The following TNFRSF11A variants were observed in gnomAD, a reference collection of about 807,000 sequenced individuals.
TNFRSF11A encodes the protein TNF receptor superfamily member 11a, also known as tumor necrosis factor receptor superfamily member 11A.
In TNFRSF11A, 32 loss-of-function variants were observed where a neutral mutation model predicts 55.7. That is an observed-to-expected ratio of 0.57 (90% CI 0.43 to 0.77). TNFRSF11A has a LOEUF of 0.77. TNFRSF11A is among the 30% of genes least tolerant of loss of function. The probability of loss-of-function intolerance (pLI) is 0.00; values close to 1 mark genes in which losing one functional copy is unlikely to be tolerated. For missense variants in TNFRSF11A, 753 were observed against 809.8 expected, an observed-to-expected ratio of 0.93 and a Z score of 0.85; for synonymous variants, 311 against 331.0, an observed-to-expected ratio of 0.94 and a Z score of 0.65.
intron 4 of TNFRSF11A, among the ~76,000 whole-genome samples, chr18:62,355,576 C>T (rs1387820169): frequency 6.6e-6 from 1 of 152,204 alleles, no homozygotes; most frequent in African/African-American, 2.4e-5. Flanking sequence ...GCCACCACAC[C>T]TAGTCAAAAT....
At chr18:62,331,751 G>A (rs928954250) in intron 1 of TNFRSF11A, among the ~76,000 whole-genome samples, 1 of 152,218 alleles carries the variant, frequency 6.6e-6, no homozygotes, top group Admixed American at 6.5e-5. Flanking sequence ...GTTGGACCAA[G>A]AGCTGCGCAA....
rs1312885221 is a variant in TNFRSF11A at position 62,375,028 on chromosome 18, C to T, written c.1567+5544C>T. ...CAATCCATCCTCCCATCTCAGCCTC[C>T]CGAGTAGCTGGGACAACAGGCCTGT... On this transcript the variant is annotated intron_variant, in intron 9 of 9. Transcript: ENST00000586569. 2.6e-5 allele frequency among the ~76,000 whole-genome samples: 4 copies of T among 151,966 alleles called. No homozygotes were observed. The East Asian group carries it at 7.7e-4, about 29-fold the overall frequency.
At chr18:62,366,229 T>C (rs773562740) in intron 7 of TNFRSF11A, among the ~76,000 whole-genome samples, 13 of 152,236 alleles carry the variant, frequency 8.5e-5, no homozygotes, top group Non-Finnish European at 1.3e-4. Flanking sequence ...ACTGACCTAG[T>C]GGTCATAATA....
At position 62,384,908 on chromosome 18, in the gene TNFRSF11A, G is replaced by T; in HGVS notation, c.1725G>T (p.Leu575=). The part of the protein sequence containing the change: ...PMGRPVQEET[L]ARRDSFAGNG... ...GCCGCCCGGTGCAGGAGGAGACCCT[G>T]GCGCGCCGAGACTCCTTCGCGGGGA... Residue 575 remains leucine, a synonymous_variant, in exon 10 of 10, where the codon CTG becomes CTT. Coordinates refer to ENST00000586569, the MANE Select transcript of TNFRSF11A (RefSeq NM_003839.4). 1 of 1,569,668 alleles carries T rather than the reference G, an allele frequency of 6.4e-7. No individual in the cohort carries two copies.
intron 1 of TNFRSF11A, among the ~76,000 whole-genome samples, chr18:62,329,883 C>T (rs2046127125): frequency 6.6e-6 from 1 of 152,130 alleles, no homozygotes; most frequent in Non-Finnish European, 1.5e-5. Context: ...GCAGTGTGCT[C>T]TCACGCCAAG....
Position 62,385,099 on chromosome 18 carries a change from C to G in TNFRSF11A, c.*65C>G, listed in dbSNP as rs1228260923. ...GCTCGCGAGGGCAGCACCGCAGCCT[C>G]TGCCCCAGCCCCGGCCACCCAGGGA... On this transcript the variant is annotated 3_prime_UTR_variant, in exon 10 of 10. Coordinates refer to ENST00000586569, the MANE Select transcript of TNFRSF11A (RefSeq NM_003839.4). 2.9e-6 allele frequency: 4 copies of G among 1,382,352 alleles called. No individual in the cohort carries two copies. In the African/African-American group the frequency reaches 4.6e-5, roughly 16 times the overall value. 85.6% of individuals were successfully genotyped at this position (1,382,352 alleles called of 1,614,324 possible). A position where few individuals can be genotyped will look rare whatever the true frequency, so the allele number is the denominator to read the frequency against.
rs1453022442 is a variant in TNFRSF11A at position 62,369,318 on chromosome 18, A to G, written c.1401A>G (p.Gly467=). Residue 467 remains glycine (G), a synonymous_variant, in exon 9 of 10, where the codon GGA becomes GGG. Coordinates refer to ENST00000586569, the MANE Select transcript of TNFRSF11A (RefSeq NM_003839.4). ...CCCTCGTGGGTTCCCCAAAACGTGGACCCTTGCCCCAGTGCGCCTATGGCA... is the reference window on the plus strand; with the variant it reads ...CCCTCGTGGGTTCCCCAAAACGTGGGCCCTTGCCCCAGTGCGCCTATGGCA... The part of the protein sequence containing the change: ...CEPLVGSPKR[G]PLPQCAYGMG... 1 of 1,610,264 alleles carries G rather than the reference A, an allele frequency of 6.2e-7. No individual in the cohort carries two copies.
chr18:62,361,626 T>G, intron 6 of TNFRSF11A, 54 bp from the exon 7 acceptor site: 5 of 1,515,672 alleles, frequency 3.3e-6, no homozygotes, highest in Non-Finnish European at 4.6e-6. Flanking sequence ...GTTTTTCAAC[T>G]GCGTAAAATT....
At chr18:62,343,314 T>C (rs906334626) in intron 1 of TNFRSF11A, among the ~76,000 whole-genome samples, 1 of 152,246 alleles carries the variant, frequency 6.6e-6, no homozygotes, top group South Asian at 2.1e-4. Context: ...GCCAAGCCTC[T>C]TTCTACATCG....
intron 6 of TNFRSF11A, among the ~76,000 whole-genome samples, chr18:62,361,129 A>G (rs766631331): frequency 1.3e-5 from 2 of 152,234 alleles, no homozygotes; most frequent in Non-Finnish European, 2.9e-5. Context: ...AAACCAGGTC[A>G]TGTAAATCAA....
At chr18:62,361,856 T>C in intron 7 of TNFRSF11A, 63 bp downstream of exon 7, 1 of 1,438,438 alleles carries the variant, frequency 7.0e-7, no homozygotes, top group South Asian at 1.1e-5. Context: ...GGTAAATGCT[T>C]TGGAAGTTGA....
At chr18:62,334,918 C>T (rs561079759) in intron 1 of TNFRSF11A, among the ~76,000 whole-genome samples, 7 of 152,166 alleles carry the variant, frequency 4.6e-5, no homozygotes, top group African/African-American at 1.7e-4. Flanking sequence ...GCAGCAGATC[C>T]CCAAAACCTA....
Position 62,354,521 on chromosome 18 carries a change from C to G in TNFRSF11A, c.414C>G (p.Gly138=). 1 of 1,602,794 alleles carries G rather than the reference C, an allele frequency of 6.2e-7. No homozygotes were observed. The highest frequency in any genetic ancestry group is 8.5e-7 in the Non-Finnish European group (1 of 1,179,314). Residue 138 remains glycine, a synonymous_variant, in exon 4 of 10, where the codon GGC becomes GGG. Coordinates refer to ENST00000586569, the MANE Select transcript of TNFRSF11A (RefSeq NM_003839.4). ...RRNTECAPGL[G]AQHPLQLNKD... ...ACACCGAGTGCGCGCCGGGCCTGGG[C>G]GCCCAGCACCCGTGTACGGGTTGGA...
rs1911913476 is a variant in TNFRSF11A, at chr18:62,389,491, C to T, written c.*4457C>T. 1 of 152,356 alleles carries T rather than the reference C, an allele frequency of 6.6e-6. No homozygotes were observed. The highest frequency in any genetic ancestry group is 1.5e-5 in the Non-Finnish European group (1 of 68,094). 9.4% of individuals were successfully genotyped at this position (152,356 alleles called of 1,614,324 possible). On this transcript the variant is annotated 3_prime_UTR_variant, in exon 10 of 10. Transcript: ENST00000586569. ...TACTGCGGCAAAACAATCCTATGTC[C>T]CCCAAGGTTTCAACAAAGAGGAGGA...
chr18:62,358,821 AT>A (rs1443134024), intron 5 of TNFRSF11A, among the ~76,000 whole-genome samples: 4 of 151,748 alleles, frequency 2.6e-5, no homozygotes, highest in African/African-American at 9.7e-5. Context: ...CCAGTTCATG[AT>A]TTTCTTGGCT....
At chr18:62,360,635 C>T (rs1255603853) in intron 6 of TNFRSF11A, among the ~76,000 whole-genome samples, 2 of 152,022 alleles carry the variant, frequency 1.3e-5, no homozygotes, top group Admixed American at 6.6e-5. Flanking sequence ...TTAGTAGAGA[C>T]AGGGTTTCAC....
chr18:62,331,972 A>G (rs1343331434), intron 1 of TNFRSF11A, among the ~76,000 whole-genome samples: 1 of 152,088 alleles, frequency 6.6e-6, no homozygotes, highest in Non-Finnish European at 1.5e-5. Flanking sequence ...TGTAAAAACC[A>G]CCCTTTTAGT....
chr18:62,351,002 C>CTTTTTTT (rs71160826), intron 3 of TNFRSF11A, among the ~76,000 whole-genome samples: 30 of 122,674 alleles, frequency 2.4e-4, no homozygotes, highest in Non-Finnish European at 4.7e-4. Context: ...TTTTTTCTTT[C>CTTTTTTT]TTTTTTTTTT....
intron 5 of TNFRSF11A, among the ~76,000 whole-genome samples, chr18:62,359,618 ATCT>A (rs760257414): frequency 2.0e-5 from 3 of 152,158 alleles, no homozygotes; most frequent in Non-Finnish European, 4.4e-5. Context: ...GGCTCAAGCA[ATCT>A]TCTTGCCTCA....
Sources: allele counts gnomAD v4.1 joint callset (sites outside exome capture counted in the v4.1 genomes callset), GRCh38; gene constraint gnomAD v4.1.1; transcripts MANE v1.5; gene names NCBI Gene and HGNC (gene_info 2026-07-23, HGNC 2026-07-21).